Variants in GTF2IRD1 observed in about 807,000 individuals in gnomAD.
GTF2IRD1 encodes general transcription factor II-I repeat domain-containing protein 1.
Under a neutral mutation model 113.2 loss-of-function variants are expected in GTF2IRD1, and 26 were observed. That is an observed-to-expected ratio of 0.23 (90% CI 0.17 to 0.32). GTF2IRD1 has a LOEUF of 0.32. Ranked by LOEUF, GTF2IRD1 falls within the 10% of genes least tolerant of loss-of-function variation. The pLI, the probability that GTF2IRD1 is intolerant of heterozygous loss-of-function variation, is 1.00. For missense variants in GTF2IRD1, 864 were observed against 1,280.8 expected (o/e 0.67, Z 4.97); for synonymous variants, 484 against 529.1 (o/e 0.91, Z 1.17).
chr7:74,552,765 G>T (rs1242466841), intron 17 of GTF2IRD1, among the ~76,000 whole-genome samples: 2 of 152,136 alleles, frequency 1.3e-5, no homozygotes, highest in African/African-American at 4.8e-5. Context: ...ATGGCTTTGT[G>T]CAGAGACACC....
At chr7:74,574,390 C>T (rs191293034) in intron 22 of GTF2IRD1, among the ~76,000 whole-genome samples, 29 of 151,742 alleles carry the variant, frequency 1.9e-4, no homozygotes, top group South Asian at 8.3e-4. Flanking sequence ...GGGATCTCAC[C>T]GCCTTGGTTT....
chr7:74,557,550 C>A, intron 19 of GTF2IRD1, 89 bp from the exon 20 acceptor site: 1 of 816,494 alleles, frequency 1.2e-6, no homozygotes, highest in Non-Finnish European at 2.0e-6. Context: ...AGAAGGAGTT[C>A]CCCATAATTA....
At chr7:74,574,304 A>G (rs1478643629) in intron 22 of GTF2IRD1, among the ~76,000 whole-genome samples, 8 of 149,200 alleles carry the variant, frequency 5.4e-5, no homozygotes, top group African/African-American at 1.5e-4. Context: ...GCCCGGCCTC[A>G]TTATTCTTAT....
intron 9 of GTF2IRD1, among the ~76,000 whole-genome samples, chr7:74,534,893 ACT>A (rs1275758393): frequency 6.6e-6 from 1 of 151,966 alleles, no homozygotes; most frequent in Non-Finnish European, 1.5e-5. Flanking sequence ...ACAAAGTGAG[ACT>A]CTGTCTCCAA....
intron 1 of GTF2IRD1, among the ~76,000 whole-genome samples, chr7:74,495,400 C>T (rs114743284): frequency 0.01 from 1,532 of 152,360 alleles, 18 homozygotes; most frequent in African/African-American, 0.034. Flanking sequence ...CCCCATCGGG[C>T]TCCCTTGTGC....
intron 1 of GTF2IRD1, among the ~76,000 whole-genome samples, chr7:74,503,448 C>CATT (rs1254582067): frequency 1.3e-5 from 2 of 152,132 alleles, no homozygotes; most frequent in Non-Finnish European, 2.9e-5. Flanking sequence ...ATGTCTTTCT[C>CATT]ATTATTATTA....
rs1799789076 is a variant in GTF2IRD1, at chr7:74,559,068, T to C, written c.2291+24T>C. 9 of 1,604,044 alleles carry C rather than the reference T, an allele frequency of 5.6e-6. No individual in the cohort carries two copies. The East Asian group carries it at 2.0e-4, about 36-fold the overall frequency. Reference sequence around the variant, plus strand: ...AGGTACTCAGTGGGAAGGGTGAGGGTGAAGAGGCAGGACTAGCTCAGATGG... The same window carrying C: ...AGGTACTCAGTGGGAAGGGTGAGGGCGAAGAGGCAGGACTAGCTCAGATGG... On this transcript the variant is annotated intron_variant, in intron 21 of 26. Transcript: ENST00000424337.
intron 1 of GTF2IRD1, among the ~76,000 whole-genome samples, chr7:74,477,384 G>A (rs1212835184): frequency 6.6e-5 from 10 of 151,038 alleles, no homozygotes; most frequent in Non-Finnish European, 1.5e-4. Flanking sequence ...GAGGTGCGGG[G>A]AGGGCCAGAG....
chr7:74,509,138 T>C (rs2299955), intron 2 of GTF2IRD1, among the ~76,000 whole-genome samples: 15,513 of 151,730 alleles, frequency 0.1, 1,959 homozygotes, highest in East Asian at 0.39. Flanking sequence ...GGGTGGATCA[T>C]TTGGGGTCAG....
chr7:74,473,490 T>C (rs1246223730), intron 1 of GTF2IRD1, among the ~76,000 whole-genome samples: 1 of 151,628 alleles, frequency 6.6e-6, no homozygotes, highest in Non-Finnish European at 1.5e-5. Context: ...AGTGGAACAG[T>C]CATAGCTCAC....
At chr7:74,462,765 C>T (rs563906106) in intron 1 of GTF2IRD1, among the ~76,000 whole-genome samples, 2 of 152,346 alleles carry the variant, frequency 1.3e-5, no homozygotes, top group South Asian at 4.1e-4. Context: ...CTGCTCATCT[C>T]CGCCCTCAGA....
At chr7:74,491,177 G>A (rs200814930) in intron 1 of GTF2IRD1, among the ~76,000 whole-genome samples, 1 of 151,854 alleles carries the variant, frequency 6.6e-6, no homozygotes, top group African/African-American at 2.4e-5. Flanking sequence ...GTGGTGGCAG[G>A]CACCTGTAAT....
chr7:74,455,879 C>G (rs959953072), intron 1 of GTF2IRD1, among the ~76,000 whole-genome samples: 1 of 152,154 alleles, frequency 6.6e-6, no homozygotes, highest in African/African-American at 2.4e-5. Context: ...GTTGAAACTC[C>G]GCAGCCACTC....
chr7:74,508,222 C>T lies in GTF2IRD1; in HGVS notation c.123+19C>T. ...CTCCATGGTGAGTGTCCCCACCCAC[C>T]CAAGAGGAGGGGACAGGGTGAGCGT... On this transcript the variant is annotated intron_variant, in intron 2 of 26. Coordinates refer to ENST00000424337, the MANE Select transcript of GTF2IRD1 (RefSeq NM_005685.4). 6.2e-7 allele frequency: 1 copy of T among 1,607,442 alleles called. No individual in the cohort carries two copies. Among genetic ancestry groups the T allele is most frequent in the Non-Finnish European group, 8.5e-7 (1 of 1,177,190 alleles).
At position 74,512,766 on chromosome 7, in the gene GTF2IRD1, T is replaced by C; in HGVS notation, c.124-64T>C. 6.6e-7 allele frequency: 1 copy of C among 1,521,262 alleles called. No individual in the cohort carries two copies. Among genetic ancestry groups the C allele is most frequent in the Non-Finnish European group, 9.0e-7 (1 of 1,112,826 alleles). 94.2% of individuals were successfully genotyped at this position (1,521,262 alleles called of 1,614,324 possible). On this transcript the variant is annotated intron_variant, in intron 2 of 26. Transcript: ENST00000424337. This position sits in a 1 kb window ranked among gnomAD's most constrained non-coding sequence, Gnocchi z 4.4. ...GGGAGCTCACATCCCACCCCCGAAG[T>C]GGATACTAGAGGTGTTCGGAGTATG...
intron 1 of GTF2IRD1, among the ~76,000 whole-genome samples, chr7:74,500,736 T>C (rs1281646037): frequency 6.6e-6 from 1 of 152,164 alleles, no homozygotes; most frequent in South Asian, 2.1e-4. Context: ...AAATTTTTTA[T>C]TTTTGGAGGC....
chr7:74,522,659 G>C (rs1295441306), intron 7 of GTF2IRD1, among the ~76,000 whole-genome samples: 1 of 152,212 alleles, frequency 6.6e-6, no homozygotes, highest in Non-Finnish European at 1.5e-5. Flanking sequence ...GAGGAGATGT[G>C]AATGTCCAGA....
At chr7:74,589,986 G>T in intron 23 of GTF2IRD1, 58 bp downstream of exon 23, 1 of 1,099,394 alleles carries the variant, frequency 9.1e-7, no homozygotes, top group South Asian at 1.3e-5. Flanking sequence ...GTGGTGGGGG[G>T]CCTCCCTCTG....
At chr7:74,542,651 A>T (rs1417466831) in intron 14 of GTF2IRD1, among the ~76,000 whole-genome samples, 4 of 152,274 alleles carry the variant, frequency 2.6e-5, no homozygotes, top group Non-Finnish European at 4.4e-5. Context: ...CAAACTGGGC[A>T]TGACCAGACT....
Sources: allele counts gnomAD v4.1 joint callset (sites outside exome capture counted in the v4.1 genomes callset), GRCh38; gene constraint gnomAD v4.1.1; non-coding constraint Gnocchi (gnomAD v3.1); transcripts MANE v1.5; gene names NCBI Gene and HGNC (gene_info 2026-07-23, HGNC 2026-07-21).